Variants in DLC1 observed in about 807,000 individuals in gnomAD.
DLC1 encodes the protein DLC1 Rho GTPase activating protein.
DLC1 carries 54 observed loss-of-function variants against 140.3 expected under a neutral mutation model. The observed-to-expected ratio is 0.38, with a 90% CI of 0.31 to 0.48. DLC1 has a LOEUF of 0.48. Among genes scored for constraint, DLC1 ranks in the 20% least tolerant of loss-of-function variants. DLC1 has a pLI of 0.96. For missense variants in DLC1, 2,536 were observed against 1,907.0 expected (o/e 1.33, Z -6.14); for synonymous variants, 986 against 728.1 (o/e 1.35, Z -5.70).
At chr8:13,277,984 T>A (rs142678032) in intron 5 of DLC1, among the ~76,000 whole-genome samples, 1 of 152,246 alleles carries the variant, frequency 6.6e-6, no homozygotes, top group African/African-American at 2.4e-5. Context: ...AGGATGATTA[T>A]GAAAATAGTG....
chr8:13,478,415 G>T (rs987895418), intron 2 of DLC1, among the ~76,000 whole-genome samples: 1 of 152,126 alleles, frequency 6.6e-6, no homozygotes, highest in Non-Finnish European at 1.5e-5. Context: ...ATTACAATTC[G>T]ACATGAGATT....
At chr8:13,544,945 G>T (rs1803605358) in intron 1 of DLC1, among the ~76,000 whole-genome samples, 1 of 152,084 alleles carries the variant, frequency 6.6e-6, no homozygotes, top group South Asian at 2.1e-4. Flanking sequence ...CTTCAGGGGG[G>T]CACTATTTAC....
intron 5 of DLC1, among the ~76,000 whole-genome samples, chr8:13,193,441 C>A (rs1826872356): frequency 6.6e-6 from 1 of 152,014 alleles, no homozygotes; most frequent in Non-Finnish European, 1.5e-5. Flanking sequence ...AGGAATCCAC[C>A]ACACCTCTAA....
chr8:13,535,389 C>T (rs570858434), intron 1 of DLC1, among the ~76,000 whole-genome samples: 27 of 152,182 alleles, frequency 1.8e-4, no homozygotes, highest in African/African-American at 6.5e-4. Context: ...TTATCTAGAT[C>T]TTCCTGCAAC....
chr8:13,325,032 T>C (rs922290000), intron 4 of DLC1, among the ~76,000 whole-genome samples: 1 of 152,228 alleles, frequency 6.6e-6, no homozygotes, highest in African/African-American at 2.4e-5. Context: ...AATTACACAC[T>C]TTCTGAAATG....
intron 4 of DLC1, among the ~76,000 whole-genome samples, chr8:13,355,550 A>G (rs1834900616): frequency 6.6e-6 from 1 of 152,100 alleles, no homozygotes; most frequent in Non-Finnish European, 1.5e-5. Flanking sequence ...CTCTTCTTAT[A>G]AGGACAAGAA....
intron 7 of DLC1, among the ~76,000 whole-genome samples, chr8:13,106,108 C>A (rs528823625): frequency 1.3e-5 from 2 of 152,264 alleles, no homozygotes; most frequent in African/African-American, 4.8e-5. Context: ...GAGTGCAAGG[C>A]TGGCCTATCA....
chr8:13,535,669 T>TTAAAAAAAAA (rs1554540006), intron 1 of DLC1, among the ~76,000 whole-genome samples: 1 of 114,704 alleles, frequency 8.7e-6, no homozygotes, highest in African/African-American at 3.7e-5. Context: ...CATTGCTCAT[T>TTAAAAAAAAA]AAAAAAAAAA....
chr8:13,104,257 T>C (rs963899851), intron 7 of DLC1, among the ~76,000 whole-genome samples: 6 of 152,064 alleles, frequency 3.9e-5, no homozygotes, highest in Non-Finnish European at 5.9e-5. Flanking sequence ...AGCCATCCTA[T>C]TGTCATTTTG....
chr8:13,368,588 G>T (rs183789710), intron 4 of DLC1, among the ~76,000 whole-genome samples: 2 of 151,540 alleles, frequency 1.3e-5, no homozygotes, highest in African/African-American at 4.9e-5. Flanking sequence ...CTGTCAGAGA[G>T]AATTTTCCAT....
intron 1 of DLC1, among the ~76,000 whole-genome samples, chr8:13,530,017 G>A (rs978932675): frequency 1.3e-4 from 20 of 152,158 alleles, no homozygotes; most frequent in African/African-American, 4.6e-4. Context: ...TGGAGGATGC[G>A]AAGAGGGTTG....
At chr8:13,508,606 G>T (rs142315188) in intron 1 of DLC1, among the ~76,000 whole-genome samples, 1 of 151,942 alleles carries the variant, frequency 6.6e-6, no homozygotes, top group Non-Finnish European at 1.5e-5. Context: ...TTTTAGTAGA[G>T]ACAGGGTTTC....
intron 5 of DLC1, among the ~76,000 whole-genome samples, chr8:13,208,709 G>A (rs576339095): frequency 6.8e-6 from 1 of 147,114 alleles, no homozygotes; most frequent in Admixed American, 7.0e-5. Flanking sequence ...TTCAATGCAG[G>A]ACAAGAAACA....
At chr8:13,590,782 AT>A (rs1341068375) in intron 1 of DLC1, among the ~76,000 whole-genome samples, 2 of 152,074 alleles carry the variant, frequency 1.3e-5, no homozygotes, top group Admixed American at 6.6e-5. Flanking sequence ...TCTATAATTT[AT>A]TTACTCCATG....
chr8:13,290,633 C>T (rs1378087599), intron 5 of DLC1, among the ~76,000 whole-genome samples: 1 of 151,974 alleles, frequency 6.6e-6, no homozygotes, highest in East Asian at 1.9e-4. Context: ...GGATGCCAGC[C>T]TTATAAGAAG....
rs1043196607 is a variant in DLC1 at position 13,164,233 on chromosome 8, G to T, written c.1349-48576C>A. 3.3e-5 allele frequency among the ~76,000 whole-genome samples: 5 copies of T among 151,906 alleles called. No homozygotes were observed. The East Asian group carries it at 7.7e-4, about 23-fold the overall frequency. Reference sequence around the variant, plus strand: ...AATCGTTTAAACCTGGGAGGCGGAGGTTGCAGTGAGCCAAGATCAAGCCAT... The same window carrying T: ...AATCGTTTAAACCTGGGAGGCGGAGTTTGCAGTGAGCCAAGATCAAGCCAT... On this transcript the variant is annotated intron_variant, in intron 5 of 17. Coordinates refer to ENST00000276297, the MANE Select transcript of DLC1 (RefSeq NM_182643.3).
chr8:13,574,266 A>G (rs903093689), intron 1 of DLC1, among the ~76,000 whole-genome samples: 1 of 152,210 alleles, frequency 6.6e-6, no homozygotes, highest in Admixed American at 6.5e-5. Flanking sequence ...TTAAACAATT[A>G]ACATAAAAAT....
intron 1 of DLC1, among the ~76,000 whole-genome samples, chr8:13,501,610 C>T (rs1343059690): frequency 6.6e-6 from 1 of 152,170 alleles, no homozygotes. Flanking sequence ...TCTGACTAAG[C>T]ACATGCCTGA....
At chr8:13,243,131 A>G (rs1829613820) in intron 5 of DLC1, among the ~76,000 whole-genome samples, 1 of 151,938 alleles carries the variant, frequency 6.6e-6, no homozygotes, top group South Asian at 2.1e-4. Context: ...CTCTACTAAA[A>G]ATACAAAAAT....
Sources: allele counts gnomAD v4.1 joint callset (sites outside exome capture counted in the v4.1 genomes callset), GRCh38; gene constraint gnomAD v4.1.1; transcripts MANE v1.5; gene names NCBI Gene and HGNC (gene_info 2026-07-23, HGNC 2026-07-21).